PLCXD3: variants seen among roughly 807,000 people sequenced by gnomAD.
The protein encoded by PLCXD3 is PI-PLC X domain-containing protein 3.
Under a neutral mutation model 25.5 loss-of-function variants are expected in PLCXD3, and 19 were observed. The observed-to-expected ratio is 0.75, with a 90% CI of 0.52 to 1.09. The LOEUF is 1.09. Ranked by LOEUF, PLCXD3 falls within the 50% of genes least tolerant of loss-of-function variation. PLCXD3 has a pLI of 0.00. For missense variants in PLCXD3, 411 were observed against 388.1 expected (o/e 1.06, Z -0.50); for synonymous variants, 174 against 137.6 (o/e 1.26, Z -1.85).
chr5:41,448,126 C>A (rs1365730134), intron 1 of PLCXD3, among the ~76,000 whole-genome samples: 1 of 152,206 alleles, frequency 6.6e-6, no homozygotes, highest in African/African-American at 2.4e-5. Flanking sequence ...TTTCCCTGAT[C>A]TCTAGGACCA....
intron 1 of PLCXD3, among the ~76,000 whole-genome samples, chr5:41,450,399 C>T (rs1747601725): frequency 6.6e-6 from 1 of 152,132 alleles, no homozygotes; most frequent in African/African-American, 2.4e-5. Flanking sequence ...TTTTAATTAG[C>T]AAGTTTCAAT....
intron 2 of PLCXD3, among the ~76,000 whole-genome samples, chr5:41,367,042 A>T (rs73597853): frequency 1.3e-5 from 2 of 152,100 alleles, no homozygotes; most frequent in Non-Finnish European, 2.9e-5. Context: ...TCTATCATTG[A>T]TGGGCATTTG....
chr5:41,364,513 TC>T (rs1744881522), intron 2 of PLCXD3, among the ~76,000 whole-genome samples: 1 of 152,216 alleles, frequency 6.6e-6, no homozygotes, highest in South Asian at 2.1e-4. Flanking sequence ...GGGTTTGGCA[TC>T]TTAAAAGCCT....
At chr5:41,350,338 T>C (rs931704047) in intron 2 of PLCXD3, among the ~76,000 whole-genome samples, 2 of 152,222 alleles carry the variant, frequency 1.3e-5, no homozygotes, top group Admixed American at 6.5e-5. Context: ...ATGTCTACTA[T>C]ACTCTTCATC....
Position 41,382,251 on chromosome 5 carries a change from A to G in PLCXD3, c.387T>C (p.Asn129=), listed in dbSNP as rs1368531945. The G allele has an allele frequency of 6.2e-7, 1 of 1,613,772 alleles. No homozygotes were observed. The highest frequency in any genetic ancestry group is 1.7e-5 in the Admixed American group (1 of 59,958). Residue 129 remains asparagine, a synonymous_variant, in exon 2 of 3, where the codon AAT becomes AAC. Transcript: ENST00000377801. ...AKVNEGLEEI[N]AFLTDHHKEV... is the part of the protein sequence containing the mutation. ...CCTTATGGTGATCTGTGAGGAATGCATTGATCTCCTCAAGGCCTTCATTGA... is the reference window on the plus strand; with the variant it reads ...CCTTATGGTGATCTGTGAGGAATGCGTTGATCTCCTCAAGGCCTTCATTGA...
intron 1 of PLCXD3, among the ~76,000 whole-genome samples, chr5:41,430,891 C>A (rs1580369880): frequency 6.6e-6 from 1 of 152,244 alleles, no homozygotes; most frequent in Admixed American, 6.5e-5. Context: ...ACTTCTGTAG[C>A]CACAGCCCAT....
rs976752778 is a variant in PLCXD3, at chr5:41,480,045, T to G, written c.103+30379A>C. 2.0e-5 allele frequency among the ~76,000 whole-genome samples: 3 copies of G among 152,228 alleles called. 1 individual carries two copies. The highest frequency in any genetic ancestry group is 2.1e-4 in the South Asian group (1 of 4,834). On this transcript the variant is annotated intron_variant, in intron 1 of 2. Coordinates refer to ENST00000377801, the MANE Select transcript of PLCXD3 (RefSeq NM_001005473.3). ...GTTTGGGAAAATGCATTTGTTATGA[T>G]TATCAGTTGATATTATAATGAAACC... is the stretch of plus-strand genomic sequence containing the variant.
At chr5:41,389,563 G>A (rs1745744386) in intron 1 of PLCXD3, among the ~76,000 whole-genome samples, 1 of 152,052 alleles carries the variant, frequency 6.6e-6, no homozygotes, top group African/African-American at 2.4e-5. Context: ...GTAGCTAAAG[G>A]CTCCCGTGTA....
intron 1 of PLCXD3, among the ~76,000 whole-genome samples, chr5:41,405,126 A>G (rs1032234584): frequency 6.6e-6 from 1 of 152,114 alleles, no homozygotes; most frequent in Non-Finnish European, 1.5e-5. Flanking sequence ...GACCAACACT[A>G]TGGTTGTTGG....
In PLCXD3 at chr5:41,381,824, A is replaced by G. The variant is rs755274728; in HGVS notation, c.812+2T>C. The G allele has an allele frequency of 2.8e-5, 45 of 1,600,376 alleles. No homozygotes were observed. Among genetic ancestry groups the G allele is most frequent in the Non-Finnish European group, 3.8e-5 (45 of 1,174,004 alleles). ...TCCCCCTGACATTTTAAAGACACTTACCTTTCTGTGATTGTTTCTCTGAGG... is the reference window on the plus strand; with the variant it reads ...TCCCCCTGACATTTTAAAGACACTTGCCTTTCTGTGATTGTTTCTCTGAGG... On this transcript the variant is annotated splice_donor_variant, in intron 2 of 2. Coordinates refer to ENST00000377801, the MANE Select transcript of PLCXD3 (RefSeq NM_001005473.3). LOFTEE classifies it high-confidence loss of function.
intron 1 of PLCXD3, among the ~76,000 whole-genome samples, chr5:41,409,369 C>T (rs1010645726): frequency 3.3e-5 from 5 of 152,114 alleles, no homozygotes; most frequent in African/African-American, 1.2e-4. Flanking sequence ...ATATACTAAG[C>T]TCATTTCAGC....
At chr5:41,497,911 G>A (rs1450928542) in intron 1 of PLCXD3, among the ~76,000 whole-genome samples, 8 of 151,642 alleles carry the variant, frequency 5.3e-5, no homozygotes, top group Admixed American at 5.3e-4. Flanking sequence ...ACTCACAAAT[G>A]TGTGGAAATT....
At chr5:41,327,847 C>A (rs1743678526) in intron 2 of PLCXD3, among the ~76,000 whole-genome samples, 1 of 151,888 alleles carries the variant, frequency 6.6e-6, no homozygotes, top group Non-Finnish European at 1.5e-5. Context: ...ACTCTATCAC[C>A]CATGCTGCAG....
chr5:41,368,387 T>C (rs1053450976), intron 2 of PLCXD3, among the ~76,000 whole-genome samples: 5 of 152,212 alleles, frequency 3.3e-5, no homozygotes, highest in Non-Finnish European at 1.5e-5. Flanking sequence ...ATTAATTTTG[T>C]ATCCTGAGAC....
intron 2 of PLCXD3, among the ~76,000 whole-genome samples, chr5:41,324,858 G>A (rs891214304): frequency 4.6e-5 from 7 of 152,198 alleles, no homozygotes; most frequent in African/African-American, 7.2e-5. Flanking sequence ...GGTGAGAGGC[G>A]GAGTAGATAA....
chr5:41,382,822 C>A (rs996095530), intron 1 of PLCXD3, among the ~76,000 whole-genome samples: 15 of 152,016 alleles, frequency 9.9e-5, no homozygotes, highest in Non-Finnish European at 1.6e-4. Flanking sequence ...ATGTAATACA[C>A]TCACTAGAAT....
At chr5:41,450,659 T>C (rs1183711653) in intron 1 of PLCXD3, among the ~76,000 whole-genome samples, 1 of 152,130 alleles carries the variant, frequency 6.6e-6, no homozygotes, top group Non-Finnish European at 1.5e-5. Flanking sequence ...AACACTTTAC[T>C]TGTTAAGACT....
intron 1 of PLCXD3, among the ~76,000 whole-genome samples, chr5:41,473,843 C>T (rs1222386234): frequency 1.3e-5 from 2 of 152,160 alleles, no homozygotes; most frequent in Non-Finnish European, 2.9e-5. Flanking sequence ...ACAGAGGTAA[C>T]CCCATTAATT....
intron 1 of PLCXD3, among the ~76,000 whole-genome samples, chr5:41,464,020 A>T (rs920123513): frequency 2.0e-5 from 3 of 151,994 alleles, no homozygotes; most frequent in Non-Finnish European, 4.4e-5. Flanking sequence ...TTTTTTGCTG[A>T]CTACCTTAGC....
Sources: gnomAD v4.1 joint callset for allele counts (sites outside exome capture counted in the v4.1 genomes callset) on GRCh38, gnomAD v4.1.1 for gene constraint, MANE v1.5 for transcripts, NCBI Gene and HGNC (gene_info 2026-07-23, HGNC 2026-07-21) for gene names.